Variants in ASIC2 observed in about 807,000 individuals in gnomAD.
ASIC2 encodes acid sensing ion channel subunit 2, also known as acid-sensing ion channel 2.
Under a neutral mutation model 57.3 loss-of-function variants are expected in ASIC2, and 25 were observed. That is an observed-to-expected ratio of 0.44 (90% CI 0.32 to 0.61). ASIC2 has a LOEUF of 0.61. ASIC2 is among the 20% of genes least tolerant of loss of function. The pLI is 0.06. For missense variants in ASIC2, 641 were observed against 738.1 expected (o/e 0.87, Z 1.52); for synonymous variants, 319 against 307.5 (o/e 1.04, Z -0.39).
intron 1 of ASIC2, among the ~76,000 whole-genome samples, chr17:33,436,853 C>CTTATT: frequency 1.5e-5 from 1 of 66,616 alleles, no homozygotes; most frequent in South Asian, 6.4e-4. Context: ...ATTCCAACTT[C>CTTATT]TTTTTTTTTT....
At chr17:33,201,209 A>G (rs543970347) in intron 1 of ASIC2, among the ~76,000 whole-genome samples, 1 of 152,164 alleles carries the variant, frequency 6.6e-6, no homozygotes, top group South Asian at 2.1e-4. Flanking sequence ...ATGGATTTTG[A>G]TCTGTGTGTT....
At chr17:34,108,666 T>C (rs1911154252) in intron 1 of ASIC2, among the ~76,000 whole-genome samples, 1 of 152,194 alleles carries the variant, frequency 6.6e-6, no homozygotes, top group African/African-American at 2.4e-5. Context: ...GTGTCATTCA[T>C]ATATTTCATA....
intron 1 of ASIC2, chr17:33,569,178 C>T (rs1916348090): frequency 1.3e-5 from 2 of 152,254 alleles, no homozygotes; most frequent in Admixed American, 1.3e-4. Context: ...TACTGTGTGC[C>T]TGGCACTGTG....
At chr17:33,585,403 A>G (rs1034711290) in intron 1 of ASIC2, among the ~76,000 whole-genome samples, 30 of 152,214 alleles carry the variant, frequency 2.0e-4, no homozygotes, top group Non-Finnish European at 7.3e-5. Flanking sequence ...TGCCTTTATT[A>G]ATTTGAAGAA....
intron 1 of ASIC2, among the ~76,000 whole-genome samples, chr17:33,184,684 C>T (rs1280320803): frequency 6.6e-6 from 1 of 152,182 alleles, no homozygotes; most frequent in Non-Finnish European, 1.5e-5. Context: ...CCTATTTACA[C>T]ATCTCCCTGC....
At chr17:33,799,267 G>T (rs564020972) in intron 1 of ASIC2, among the ~76,000 whole-genome samples, 1 of 148,160 alleles carries the variant, frequency 6.7e-6, no homozygotes, top group Non-Finnish European at 1.5e-5. Context: ...CCATCAATCC[G>T]TTTTTCCTCC....
At chr17:33,964,921 A>G (rs1467199974) in intron 1 of ASIC2, among the ~76,000 whole-genome samples, 1 of 152,150 alleles carries the variant, frequency 6.6e-6, no homozygotes, top group East Asian at 1.9e-4. Flanking sequence ...TATGATTTCC[A>G]AGAGAGAAAT....
intron 1 of ASIC2, among the ~76,000 whole-genome samples, chr17:34,055,643 C>T (rs976513062): frequency 7.2e-5 from 11 of 152,024 alleles, no homozygotes; most frequent in Admixed American, 2.0e-4. Flanking sequence ...TGAAATCACA[C>T]GGTATTTTCT....
At chr17:33,066,648 G>T (rs1008136195) in intron 3 of ASIC2, among the ~76,000 whole-genome samples, 1 of 152,166 alleles carries the variant, frequency 6.6e-6, no homozygotes, top group Non-Finnish European at 1.5e-5. Context: ...TAGAGGAAAA[G>T]TGACTTTACC....
intron 1 of ASIC2, among the ~76,000 whole-genome samples, chr17:33,833,741 C>T (rs911419131): frequency 6.6e-6 from 1 of 152,204 alleles, no homozygotes; most frequent in Non-Finnish European, 1.5e-5. Flanking sequence ...TACTGCATCA[C>T]AGACTTATTG....
Position 34,000,250 on chromosome 17 carries a change from A to ATTTTTTT in ASIC2, c.555+155721_555+155727dup, listed in dbSNP as rs199804905. Among the ~76,000 whole-genome samples, 103 of 119,168 alleles carry ATTTTTTT rather than the reference A, an allele frequency of 8.6e-4. 1 individual carries two copies. The highest frequency in any genetic ancestry group is 2.9e-3 in the East Asian group (12 of 4,154). The allele number at this position is 119,168 out of a possible 152,430, so 78.2% of individuals were successfully genotyped here. ...TTATAACATATGTCAGTGGAGATCT[A>ATTTTTTT]TTTTTTTTTTTTTTTTTTGAGACAG... On this transcript the variant is annotated intron_variant, in intron 1 of 9. Transcript: ENST00000359872.
intron 1 of ASIC2, among the ~76,000 whole-genome samples, chr17:33,315,933 CTGAG>C (rs1906626317): frequency 6.6e-6 from 1 of 152,204 alleles, no homozygotes; most frequent in Non-Finnish European, 1.5e-5. Flanking sequence ...TTGACTCTCA[CTGAG>C]CCTTATTTTC....
chr17:33,503,034 G>T (rs1914146308), intron 1 of ASIC2, among the ~76,000 whole-genome samples: 1 of 152,166 alleles, frequency 6.6e-6, no homozygotes, highest in Non-Finnish European at 1.5e-5. Flanking sequence ...AGCCACACTT[G>T]GCTTGAGCTC....
At chr17:33,512,405 T>C (rs1914454933) in intron 1 of ASIC2, among the ~76,000 whole-genome samples, 1 of 152,224 alleles carries the variant, frequency 6.6e-6, no homozygotes, top group African/African-American at 2.4e-5. Flanking sequence ...AGCCTGTCCC[T>C]TAGCATCAGT....
At chr17:33,987,952 C>G (rs1207982827) in intron 1 of ASIC2, among the ~76,000 whole-genome samples, 1 of 152,048 alleles carries the variant, frequency 6.6e-6, no homozygotes, top group Non-Finnish European at 1.5e-5. Context: ...TGTTTAAGGT[C>G]TTTTGACAGC....
rs1188033430 is a variant in ASIC2 at position 33,293,014 on chromosome 17, C to G, written c.-899G>C. 24 of 985,526 alleles carry G rather than the reference C, an allele frequency of 2.4e-5. No homozygotes were observed. Among genetic ancestry groups the G allele is most frequent in the Non-Finnish European group, 2.8e-5 (23 of 830,080 alleles). The allele number at this position is 985,526 out of a possible 1,614,324, so 61.0% of individuals were successfully genotyped here. The stretch of plus-strand genomic sequence containing the variant: ...CCTCGCGTCTCCAGAAAAGCCCAGC[C>G]TTGCTGTCTCTCGCGTCTTCTCTCT... On this transcript the variant is annotated 5_prime_UTR_variant, in exon 1 of 10. Transcript: ENST00000225823.
intron 1 of ASIC2, among the ~76,000 whole-genome samples, chr17:33,765,173 T>C (rs953517292): frequency 2.6e-5 from 4 of 152,158 alleles, no homozygotes; most frequent in Non-Finnish European, 5.9e-5. Context: ...TGGCGCTATC[T>C]TGGCTCACTG....
At chr17:33,133,300 G>C (rs921994043) in intron 1 of ASIC2, among the ~76,000 whole-genome samples, 1 of 152,210 alleles carries the variant, frequency 6.6e-6, no homozygotes, top group Non-Finnish European at 1.5e-5. Context: ...GAGTGAATGC[G>C]AGGGGTGCTC....
At chr17:33,261,997 A>G (rs189004080) in intron 1 of ASIC2, among the ~76,000 whole-genome samples, 1 of 152,334 alleles carries the variant, frequency 6.6e-6, no homozygotes, top group Admixed American at 6.5e-5. Context: ...GGCCCGCTCC[A>G]GGGCAGCATC....
Sources: allele counts gnomAD v4.1 joint callset (sites outside exome capture counted in the v4.1 genomes callset), GRCh38; gene constraint gnomAD v4.1.1; transcripts MANE v1.5; gene names NCBI Gene and HGNC (gene_info 2026-07-23, HGNC 2026-07-21).